The following KCTD15 variants were observed in gnomAD, a reference collection of about 807,000 sequenced individuals.
The protein encoded by KCTD15 is BTB/POZ domain-containing protein KCTD15.
KCTD15 carries 11 observed loss-of-function variants against 27.2 expected under a neutral mutation model. The observed-to-expected ratio is 0.41, with a 90% confidence interval of 0.25 to 0.67. The LOEUF is 0.67. Among genes scored for constraint, KCTD15 ranks in the 30% least tolerant of loss-of-function variants. KCTD15 has a pLI of 0.35. For missense variants in KCTD15, 350 were observed against 409.3 expected (o/e 0.86, Z 1.25); for synonymous variants, 163 against 176.0 (o/e 0.93, Z 0.58).
rs1976036927 is a variant in KCTD15 at position 33,814,539 on chromosome 19, C to G, written c.*1591C>G. ...GCGTCTGGGTGCTTTTGAACCCTGT[C>G]TCAAATGTTTGGGATTTTCTCTCTC... On this transcript the variant is annotated 3_prime_UTR_variant, in exon 7 of 7. Coordinates refer to ENST00000683859, the MANE Select transcript of KCTD15 (RefSeq NM_001129994.2). 2 of 152,208 alleles carry G rather than the reference C, an allele frequency of 1.3e-5. No homozygotes were observed. The highest frequency in any genetic ancestry group is 2.1e-4 in the South Asian group (1 of 4,826). The allele number at this position is 152,208 out of a possible 1,614,324, so 9.4% of individuals were successfully genotyped here.
Position 33,806,189 on chromosome 19 carries a change from CCT to C in KCTD15, c.243-671_243-670del, listed in dbSNP as rs1975706393. 7.2e-5 allele frequency among the ~76,000 whole-genome samples: 11 copies of C among 152,362 alleles called. No individual in the cohort carries two copies. The South Asian group carries it at 2.1e-3, about 29-fold the overall frequency. ...GCACACTTGCCATCCCTCCTGTCTG[CCT>C]CTGTTTCTCCCTGTGGGCTCCCTGA... On this transcript the variant is annotated intron_variant, in intron 4 of 6. Coordinates refer to ENST00000683859, the MANE Select transcript of KCTD15 (RefSeq NM_001129994.2).
intron 4 of KCTD15, among the ~76,000 whole-genome samples, chr19:33,802,879 C>T (rs534919898): frequency 5.3e-5 from 8 of 152,374 alleles, no homozygotes; most frequent in Admixed American, 1.3e-4. Flanking sequence ...GTAATCACAG[C>T]CCAGGCCCTG....
At chr19:33,802,375 A>C (rs922237805) in intron 4 of KCTD15, among the ~76,000 whole-genome samples, 1 of 152,186 alleles carries the variant, frequency 6.6e-6, no homozygotes, top group Non-Finnish European at 1.5e-5. Context: ...GGCAGGCTGC[A>C]TTGTCACCGG....
In KCTD15 at chr19:33,811,660, C is replaced by T. The variant is rs752587198; in HGVS notation, c.693+108C>T. ...CGCGATCCCTGAAACGGTGAAGCCC[C>T]CCGTGCCATCCTACAAAAAAGGCAA... On this transcript the variant is annotated intron_variant, in intron 6 of 6. Transcript: ENST00000683859. 1.9e-5 allele frequency: 28 copies of T among 1,503,092 alleles called. No homozygotes were observed. In the South Asian group the frequency reaches 3.0e-4, roughly 16 times the overall value. 93.1% of individuals were successfully genotyped at this position (1,503,092 alleles called of 1,614,324 possible). A position where few individuals can be genotyped will look rare whatever the true frequency, so the allele number is the denominator to read the frequency against.
At position 33,811,396 on chromosome 19, in the gene KCTD15, G is replaced by A. The variant is rs553275028; in HGVS notation, c.537G>A (p.Glu179=). 1.2e-6 allele frequency: 2 copies of A among 1,606,224 alleles called. No individual in the cohort carries two copies. Among genetic ancestry groups the A allele is most frequent in the African/African-American group, 1.3e-5 (1 of 74,802 alleles). Residue 179 remains glutamate, a synonymous_variant, in exon 6 of 7, where the codon GAG becomes GAA. Transcript: ENST00000683859. ...TGCGCGTCACGCCCGACTTGGGCGA[G>A]CGGATCGCACTCAGCGGCGAGAAGG... ...LVVRVTPDLG[E]RIALSGEKAL... is the part of the protein sequence containing the mutation.
Position 33,811,531 on chromosome 19 carries a change from C to T in KCTD15, c.672C>T (p.Tyr224=), listed in dbSNP as rs1599689506. The T allele has an allele frequency of 1.2e-6, 2 of 1,607,572 alleles. No homozygotes were observed. Among genetic ancestry groups the T allele is most frequent in the Non-Finnish European group, 1.7e-6 (2 of 1,175,980 alleles). ...TCATCCGCTTCCCGCTCAATGGCTA[C>T]TGCCGGCTCAACTCGGTACAGGTGA... ...THVIRFPLNG[Y]CRLNSVQVLE... is the part of the protein sequence containing the mutation. The change falls in exon 6 of 7, where the codon TAC becomes TAT. Residue 224 remains tyrosine (Y), a synonymous_variant. Coordinates refer to ENST00000683859, the MANE Select transcript of KCTD15 (RefSeq NM_001129994.2).
chr19:33,808,800 A>C lies in KCTD15; in HGVS notation c.387+1793A>C, dbSNP rs995999311. Among the ~76,000 whole-genome samples the C allele has an allele frequency of 3.8e-4, 58 of 152,022 alleles. 1 individual carries two copies. Among genetic ancestry groups the C allele is most frequent in the African/African-American group, 1.4e-3 (56 of 41,394 alleles). ...GAGGCTGGGTGGAGGCTTTGGATGG[A>C]CCAGGATGGAGATAGAGAAGATGGA... is the stretch of plus-strand genomic sequence containing the variant. On this transcript the variant is annotated intron_variant, in intron 5 of 6. Coordinates refer to ENST00000683859, the MANE Select transcript of KCTD15 (RefSeq NM_001129994.2).
In KCTD15 at chr19:33,801,147, C is replaced by T. The variant is rs77101767; in HGVS notation, c.67-20C>T. On this transcript the variant is annotated intron_variant, in intron 3 of 6. Coordinates refer to ENST00000683859, the MANE Select transcript of KCTD15 (RefSeq NM_001129994.2). The stretch of plus-strand genomic sequence containing the variant: ...GTTCCGCTTTGAAACTCTTGTGTTC[C>T]GCTTTGTTTCCATCTCTAGGAGGGA... 7,032 of 1,568,608 alleles carry T rather than the reference C, an allele frequency of 4.5e-3. 17 individuals are homozygous for T. The highest frequency in any genetic ancestry group is 5.3e-3 in the Non-Finnish European group (6,173 of 1,155,556).
chr19:33,801,372 A>C (rs769368592), intron 4 of KCTD15, 30 bp downstream of exon 4: 1 of 1,577,496 alleles, frequency 6.3e-7, no homozygotes, highest in South Asian at 1.2e-5. Flanking sequence ...AACATCAGGC[A>C]TGTGTGGGTC....
chr19:33,811,808 G>A, intron 6 of KCTD15: 2 of 1,605,396 alleles, frequency 1.2e-6, no homozygotes, highest in Non-Finnish European at 8.5e-7. Flanking sequence ...TATAAAAATG[G>A]CCCAGAGTAT....
At chr19:33,808,159 C>G (rs893239325) in intron 5 of KCTD15, among the ~76,000 whole-genome samples, 1 of 152,200 alleles carries the variant, frequency 6.6e-6, no homozygotes, top group Non-Finnish European at 1.5e-5. Context: ...CTGGGGTACA[C>G]TGGCATGTAT....
intron 1 of KCTD15, 123 bp downstream of exon 1, chr19:33,797,110 T>C (rs1257766904): frequency 1.7e-5 from 3 of 173,660 alleles, no homozygotes; most frequent in Non-Finnish European, 3.7e-5. Context: ...TTTGTCCCTC[T>C]GCTGGGCGGC....
intron 5 of KCTD15, among the ~76,000 whole-genome samples, chr19:33,808,393 G>A (rs1380935125): frequency 2.0e-5 from 3 of 152,184 alleles, no homozygotes; most frequent in Non-Finnish European, 2.9e-5. Context: ...TGGGCTGGGC[G>A]GGTTTGAAAG....
At chr19:33,808,971 CAA>C (rs1975797662) in intron 5 of KCTD15, among the ~76,000 whole-genome samples, 1 of 151,448 alleles carries the variant, frequency 6.6e-6, no homozygotes, top group African/African-American at 2.4e-5. Flanking sequence ...GCTGTCTATA[CAA>C]ATTTGTTTTT....
At chr19:33,812,702 G>A (rs1054905754) in intron 6 of KCTD15, 88 bp from the exon 7 acceptor site, 53 of 1,394,556 alleles carry the variant, frequency 3.8e-5, no homozygotes, top group Non-Finnish European at 4.8e-5. Context: ...CTTGCTGGCT[G>A]CCCCAGCAGG....
chr19:33,800,332 A>G (rs1188570568), intron 2 of KCTD15, 96 bp from the exon 3 acceptor site: 1 of 987,984 alleles, frequency 1.0e-6, no homozygotes, highest in South Asian at 1.4e-5. Flanking sequence ...AGGGTCTCAG[A>G]GAGCATGCAG....
intron 4 of KCTD15, among the ~76,000 whole-genome samples, chr19:33,803,552 G>T: frequency 6.6e-6 from 1 of 152,212 alleles, no homozygotes; most frequent in Middle Eastern, 3.4e-3. Flanking sequence ...GGTCTCGGCG[G>T]TTGGGGTGGC....
At chr19:33,812,196 G>A (rs923361097) in intron 6 of KCTD15, 10 of 1,114,694 alleles carry the variant, frequency 9.0e-6, no homozygotes, top group African/African-American at 1.6e-5. Context: ...GGTGTTACAC[G>A]CAGTCATCAG....
intron 5 of KCTD15, among the ~76,000 whole-genome samples, chr19:33,808,409 A>C (rs954892618): frequency 6.6e-6 from 1 of 152,180 alleles, no homozygotes; most frequent in Non-Finnish European, 1.5e-5. Context: ...GAAAGAAATG[A>C]TGTTCATCTG....
Sources: gnomAD v4.1 joint callset for allele counts (sites outside exome capture counted in the v4.1 genomes callset) on GRCh38, gnomAD v4.1.1 for gene constraint, MANE v1.5 for transcripts, NCBI Gene and HGNC (gene_info 2026-07-23, HGNC 2026-07-21) for gene names.